Variants in EPHA6 observed in about 807,000 individuals in gnomAD.
EPHA6 encodes EPH receptor A6.
A neutral mutation model predicts 112.0 loss-of-function variants in EPHA6; 50 were observed. That is an observed-to-expected ratio of 0.45 (90% CI 0.36 to 0.56). The LOEUF (loss-of-function observed/expected upper bound fraction) is 0.56. Ranked by LOEUF, EPHA6 falls within the 20% of genes least tolerant of loss-of-function variation. EPHA6 has a pLI of 0.00. For synonymous variants in EPHA6, 529 were observed against 490.7 expected (o/e 1.08, Z -1.03); for missense variants, 1,280 against 1,417.4 (o/e 0.90, Z 1.56).
rs182687992 is a variant in EPHA6, at chr3:97,749,857, G to A, written c.*1156G>A. 2.3e-4 allele frequency among the ~76,000 whole-genome samples: 35 copies of A among 152,108 alleles called. No homozygotes were observed. The highest frequency in any genetic ancestry group is 2.1e-4 in the South Asian group (1 of 4,822). ...TACATGAACATGCTGAGCTCTTTTCGAAACCTTCTAAGAAATAAGTATGAA... is the reference window on the plus strand; with the variant it reads ...TACATGAACATGCTGAGCTCTTTTCAAAACCTTCTAAGAAATAAGTATGAA... On this transcript the variant is annotated 3_prime_UTR_variant, in exon 18 of 18. Transcript: ENST00000389672.
chr3:97,701,780 C>A (rs2033407079), intron 14 of EPHA6, among the ~76,000 whole-genome samples: 1 of 151,946 alleles, frequency 6.6e-6, no homozygotes, highest in African/African-American at 2.4e-5. Context: ...TCAGATTTAT[C>A]TCTAATCCTT....
chr3:97,175,066 A>C (rs2108436990), intron 3 of EPHA6, among the ~76,000 whole-genome samples: 1 of 151,874 alleles, frequency 6.6e-6, no homozygotes, highest in South Asian at 2.1e-4. Context: ...CTTTGTTTTA[A>C]CTTTGGCATA....
At chr3:97,096,247 A>G (rs1176325006) in intron 3 of EPHA6, among the ~76,000 whole-genome samples, 1 of 148,644 alleles carries the variant, frequency 6.7e-6, no homozygotes, top group Non-Finnish European at 1.5e-5. Flanking sequence ...ATATATATAC[A>G]CACACACACA....
At chr3:96,830,371 G>T (rs571177606) in intron 1 of EPHA6, among the ~76,000 whole-genome samples, 1 of 152,092 alleles carries the variant, frequency 6.6e-6, no homozygotes, top group South Asian at 2.1e-4. Context: ...CAGAAAAAAA[G>T]AAAATACCAA....
intron 12 of EPHA6, among the ~76,000 whole-genome samples, chr3:97,597,837 A>G (rs1007593657): frequency 3.9e-5 from 6 of 152,232 alleles, no homozygotes; most frequent in African/African-American, 1.4e-4. Flanking sequence ...TGATAAATAA[A>G]TTTGAAGCTC....
chr3:97,555,701 G>GT (rs1271298700), intron 11 of EPHA6, among the ~76,000 whole-genome samples: 24 of 152,054 alleles, frequency 1.6e-4, no homozygotes, highest in Non-Finnish European at 2.8e-4. Context: ...TTTTTCATGT[G>GT]TTTTTTGGCT....
chr3:97,452,289 A>T (rs1164498672), intron 7 of EPHA6, among the ~76,000 whole-genome samples: 38 of 151,802 alleles, frequency 2.5e-4, no homozygotes, highest in Non-Finnish European at 5.9e-5. Flanking sequence ...CTTGAACTGG[A>T]GCTATTGGTT....
At chr3:96,913,157 C>T (rs1275570637) in intron 2 of EPHA6, among the ~76,000 whole-genome samples, 1 of 132,902 alleles carries the variant, frequency 7.5e-6, no homozygotes, top group African/African-American at 2.9e-5. Flanking sequence ...AGTGAGACCC[C>T]GTCTACACAC....
At chr3:97,174,844 G>A (rs372324970) in intron 3 of EPHA6, among the ~76,000 whole-genome samples, 1 of 151,806 alleles carries the variant, frequency 6.6e-6, no homozygotes, top group African/African-American at 2.4e-5. Context: ...CCATTCAGTG[G>A]GTTGTCTATT....
At chr3:97,224,817 G>T (rs2078305179) in intron 3 of EPHA6, among the ~76,000 whole-genome samples, 1 of 151,720 alleles carries the variant, frequency 6.6e-6, no homozygotes, top group Non-Finnish European at 1.5e-5. Flanking sequence ...TCCCCATTTA[G>T]ATTTATATAT....
At chr3:97,703,373 C>T (rs1464131395) in intron 14 of EPHA6, among the ~76,000 whole-genome samples, 1 of 152,146 alleles carries the variant, frequency 6.6e-6, no homozygotes, top group Non-Finnish European at 1.5e-5. Context: ...TTTAACATCT[C>T]AGGTATTTTC....
intron 5 of EPHA6, among the ~76,000 whole-genome samples, chr3:97,394,802 G>A (rs1026298518): frequency 6.6e-6 from 1 of 151,656 alleles, no homozygotes; most frequent in African/African-American, 2.4e-5. Context: ...TATAGAAAAG[G>A]AGGAACTCTT....
intron 2 of EPHA6, among the ~76,000 whole-genome samples, chr3:96,912,714 A>G (rs1470246940): frequency 6.6e-6 from 1 of 152,096 alleles, no homozygotes. Flanking sequence ...TAGCCTTCCA[A>G]GTAGCTAGGA....
intron 2 of EPHA6, among the ~76,000 whole-genome samples, chr3:96,871,224 A>G (rs2036606824): frequency 6.6e-6 from 1 of 152,016 alleles, no homozygotes; most frequent in Non-Finnish European, 1.5e-5. Context: ...TTTAATATCC[A>G]TGTTTGTAAG....
At chr3:96,965,101 C>T (rs952178201) in intron 2 of EPHA6, among the ~76,000 whole-genome samples, 1 of 152,128 alleles carries the variant, frequency 6.6e-6, no homozygotes, top group African/African-American at 2.4e-5. Flanking sequence ...TATTTGAACA[C>T]AGTTTGAACA....
chr3:97,718,458 GTTTTT>G (rs199622237), intron 14 of EPHA6, among the ~76,000 whole-genome samples: 1 of 151,644 alleles, frequency 6.6e-6, no homozygotes, highest in East Asian at 1.9e-4. Flanking sequence ...CAATGATTTG[GTTTTT>G]TTTAAGTATA....
chr3:97,195,300 C>T (rs2077411244), intron 3 of EPHA6, among the ~76,000 whole-genome samples: 2 of 152,084 alleles, frequency 1.3e-5, no homozygotes, highest in South Asian at 4.1e-4. Flanking sequence ...AATAGCATAA[C>T]TCATTATTTT....
chr3:97,339,208 A>C (rs183941934), intron 5 of EPHA6, among the ~76,000 whole-genome samples: 2 of 152,284 alleles, frequency 1.3e-5, no homozygotes, highest in Admixed American at 6.5e-5. Flanking sequence ...TTGGAGAGAG[A>C]TAGAGGGTGC....
intron 3 of EPHA6, among the ~76,000 whole-genome samples, chr3:97,036,098 C>CGA (rs1461499070): frequency 6.6e-6 from 1 of 151,902 alleles, no homozygotes; most frequent in Non-Finnish European, 1.5e-5. Context: ...GCCAGTGCCT[C>CGA]GATCTTGTGC....
Sources: allele counts gnomAD v4.1 joint callset (sites outside exome capture counted in the v4.1 genomes callset), GRCh38; gene constraint gnomAD v4.1.1; transcripts MANE v1.5; gene names NCBI Gene and HGNC (gene_info 2026-07-23, HGNC 2026-07-21).